Variants in GLP2R observed in about 807,000 individuals in gnomAD.
GLP2R encodes the protein glucagon-like peptide 2 receptor.
In GLP2R, 59 loss-of-function variants were observed where a neutral mutation model predicts 68.2. The observed-to-expected ratio is 0.87, with a 90% CI of 0.70 to 1.07. The LOEUF (loss-of-function observed/expected upper bound fraction) is 1.07, where lower values mean the gene tolerates loss of function less well. Ranked by LOEUF, GLP2R falls within the 50% of genes least tolerant of loss-of-function variation. The pLI is 0.00. For synonymous variants in GLP2R, 270 were observed against 265.4 expected (o/e 1.02, Z -0.17); for missense variants, 548 against 677.4 (o/e 0.81, Z 2.12).
chr17:9,852,052 T>TTG (rs1371742842), intron 4 of GLP2R, among the ~76,000 whole-genome samples: 14 of 118,110 alleles, frequency 1.2e-4, no homozygotes, highest in African/African-American at 4.4e-4. Flanking sequence ...GCATTTGTTT[T>TTG]TTTTTTTGTT....
Position 9,826,047 on chromosome 17 carries a change from G to T in GLP2R, c.-17G>T. ...GCTAGAGAGATGTACCCCTACTTGTGAAGGTGCACGAGGAAGATGAAGCTG... is the reference window on the plus strand; with the variant it reads ...GCTAGAGAGATGTACCCCTACTTGTTAAGGTGCACGAGGAAGATGAAGCTG... On this transcript the variant is annotated 5_prime_UTR_variant, in exon 1 of 13. It removes the in-frame stop codon of an upstream open reading frame in the 5' UTR. Coordinates refer to ENST00000262441, the MANE Select transcript of GLP2R (RefSeq NM_004246.3). The T allele has an allele frequency of 6.2e-7, 1 of 1,605,312 alleles. No homozygotes were observed. Among genetic ancestry groups the T allele is most frequent in the African/African-American group, 1.3e-5 (1 of 74,722 alleles).
intron 4 of GLP2R, chr17:9,853,042 C>G (rs190956968): frequency 1.5e-4 from 75 of 497,046 alleles, no homozygotes; most frequent in African/African-American, 1.3e-3. Flanking sequence ...TTCAAAGCCC[C>G]CATGGAAACC....
chr17:9,879,374 A>G (rs778673000), intron 10 of GLP2R, among the ~76,000 whole-genome samples: 2 of 152,000 alleles, frequency 1.3e-5, no homozygotes, highest in African/African-American at 2.4e-5. Context: ...GTGCACACCT[A>G]TAGTCCCAGC....
chr17:9,839,723 G>C (rs766980670), intron 3 of GLP2R, among the ~76,000 whole-genome samples: 2 of 152,088 alleles, frequency 1.3e-5, no homozygotes, highest in Non-Finnish European at 2.9e-5. Context: ...TGCTGACCTC[G>C]TTAGCACTCT....
At chr17:9,860,172 G>T in intron 7 of GLP2R, 71 bp downstream of exon 7, 1 of 1,399,766 alleles carries the variant, frequency 7.1e-7, no homozygotes, top group Non-Finnish European at 9.6e-7. Flanking sequence ...AGAGACTTTA[G>T]TTGGACTTAG....
intron 10 of GLP2R, among the ~76,000 whole-genome samples, chr17:9,875,063 A>G (rs1567735434): frequency 6.6e-6 from 1 of 152,184 alleles, no homozygotes; most frequent in African/African-American, 2.4e-5. Context: ...TGATTAGCTA[A>G]TGCTTATTCA....
chr17:9,870,393 T>C lies in GLP2R; in HGVS notation c.1057-354T>C, dbSNP rs75810626. On this transcript the variant is annotated intron_variant, in intron 9 of 12. Coordinates refer to ENST00000262441, the MANE Select transcript of GLP2R (RefSeq NM_004246.3). ...TGGTAGTTAATAATAATAACAATAATAGTAATAATAATAATGTGAACGTCC... is the reference window on the plus strand; with the variant it reads ...TGGTAGTTAATAATAATAACAATAACAGTAATAATAATAATGTGAACGTCC... 9.7e-3 allele frequency among the ~76,000 whole-genome samples: 1,476 copies of C among 152,236 alleles called. 29 individuals are homozygous for C. Among genetic ancestry groups the C allele is most frequent in the African/African-American group, 0.032 (1,334 of 41,528 alleles).
intron 10 of GLP2R, among the ~76,000 whole-genome samples, chr17:9,873,164 A>C (rs2067110731): frequency 6.6e-6 from 1 of 152,078 alleles, no homozygotes; most frequent in Non-Finnish European, 1.5e-5. Flanking sequence ...CAGGGAGGAG[A>C]GTTCTCTCAA....
chr17:9,881,267 C>A (rs1051382903), intron 11 of GLP2R, among the ~76,000 whole-genome samples: 1 of 151,880 alleles, frequency 6.6e-6, no homozygotes, highest in Non-Finnish European at 1.5e-5. Context: ...GGCCTCATTT[C>A]TCAGTGTCCA....
chr17:9,877,314 G>T (rs766715983), intron 10 of GLP2R, among the ~76,000 whole-genome samples: 33 of 152,178 alleles, frequency 2.2e-4, no homozygotes, highest in Admixed American at 1.2e-3. Flanking sequence ...TTTTCATCTG[G>T]ACAGGGACAC....
chr17:9,860,110 C>A lies in GLP2R; in HGVS notation c.925+9C>A. 1 of 1,580,946 alleles carries A rather than the reference C, an allele frequency of 6.3e-7. No homozygotes were observed. Among genetic ancestry groups the A allele is most frequent in the Non-Finnish European group, 8.6e-7 (1 of 1,162,334 alleles). On this transcript the variant is annotated intron_variant, in intron 7 of 12. Transcript: ENST00000262441. The stretch of plus-strand genomic sequence containing the variant: ...CCTGCTGTTGGGTTGGGGTGAGTGA[C>A]CTGACCTTCAGCTTCCTTTCCTGGG...
Position 9,857,444 on chromosome 17 carries a change from C to G in GLP2R, c.633C>G (p.Asn211Lys), listed in dbSNP as rs1278527789. The change falls in exon 6 of 13, where the codon AAC becomes AAG. Residue 211 changes from asparagine (N) to lysine (K), a missense_variant. By Grantham distance (94) the Asn-to-Lys change is moderately conservative. Transcript: ENST00000262441. ...LFLRKLHCTR[N>K]YIHMNLFASF... ...ACAGAAAACTCCACTGCACGCGCAA[C>G]TACATCCACATGAACTTGTTTGCTT... The G allele has an allele frequency of 6.2e-7, 1 of 1,614,184 alleles. No homozygotes were observed. Among genetic ancestry groups the G allele is most frequent in the Non-Finnish European group, 8.5e-7 (1 of 1,180,024 alleles).
In GLP2R at chr17:9,867,722, G is replaced by A. The variant is rs541404173; in HGVS notation, c.1057-3025G>A. On this transcript the variant is annotated intron_variant, in intron 9 of 12. Transcript: ENST00000262441. Reference sequence around the variant, plus strand: ...CCTGCACCCTGCAGTTAACAGACCCGGTGAAATGGCTGTTTTGAGCTAACA... The same window carrying A: ...CCTGCACCCTGCAGTTAACAGACCCAGTGAAATGGCTGTTTTGAGCTAACA... Among the ~76,000 whole-genome samples, 10 of 152,230 alleles carry A rather than the reference G, an allele frequency of 6.6e-5. No homozygotes were observed. The South Asian group carries it at 1.0e-3, about 16-fold the overall frequency.
At chr17:9,864,688 A>G (rs111899411) in intron 9 of GLP2R, among the ~76,000 whole-genome samples, 37,402 of 151,608 alleles carry the variant, frequency 0.25, 7,121 homozygotes, top group African/African-American at 0.52. Context: ...ACACCCGGCT[A>G]ATTTTTGTAT....
At chr17:9,840,182 G>A (rs558533928) in intron 3 of GLP2R, among the ~76,000 whole-genome samples, 23 of 152,204 alleles carry the variant, frequency 1.5e-4, no homozygotes, top group African/African-American at 4.6e-4. Context: ...TCACTATGTT[G>A]GCCAGGCTGG....
At chr17:9,845,386 G>T (rs1380786692) in intron 4 of GLP2R, among the ~76,000 whole-genome samples, 2 of 152,186 alleles carry the variant, frequency 1.3e-5, no homozygotes, top group Non-Finnish European at 1.5e-5. Flanking sequence ...GGAAGGCAAG[G>T]AGTTCAGTTT....
chr17:9,886,736 A>G (rs913488443), intron 11 of GLP2R, among the ~76,000 whole-genome samples: 1 of 152,314 alleles, frequency 6.6e-6, no homozygotes, highest in African/African-American at 2.4e-5. Context: ...GTCTGGCTCC[A>G]GAAGGGACAT....
intron 11 of GLP2R, 47 bp from the exon 12 acceptor site, chr17:9,887,885 A>G: frequency 6.9e-7 from 1 of 1,459,354 alleles, no homozygotes. Flanking sequence ...TCTCAGACAC[A>G]TCTTCTCCGG....
intron 10 of GLP2R, among the ~76,000 whole-genome samples, chr17:9,871,636 T>A (rs926813198): frequency 6.6e-6 from 1 of 152,018 alleles, no homozygotes; most frequent in Non-Finnish European, 1.5e-5. Flanking sequence ...ATTTATTAGA[T>A]CTGCATTGTT....
Sources: allele counts gnomAD v4.1 joint callset (sites outside exome capture counted in the v4.1 genomes callset), GRCh38; gene constraint gnomAD v4.1.1; transcripts MANE v1.5; gene names NCBI Gene and HGNC (gene_info 2026-07-23, HGNC 2026-07-21).